The following CLCA4 variants were observed in gnomAD, a reference collection of about 807,000 sequenced individuals.
CLCA4 encodes the protein calcium-activated chloride channel regulator 4.
In CLCA4, 69 loss-of-function variants were observed where a neutral mutation model predicts 78.9. That is an observed-to-expected ratio of 0.87 (90% CI 0.72 to 1.07). The LOEUF (loss-of-function observed/expected upper bound fraction) is 1.07. Among genes scored for constraint, CLCA4 ranks in the 50% least tolerant of loss-of-function variants. CLCA4 has a pLI of 0.00. For synonymous variants in CLCA4, 362 were observed against 375.8 expected (o/e 0.96, Z 0.42); for missense variants, 1,133 against 1,095.8 (o/e 1.03, Z -0.48).
At chr1:86,565,198 T>A in intron 4 of CLCA4, 76 bp from the exon 5 acceptor site, 8 of 1,004,148 alleles carry the variant, frequency 8.0e-6, no homozygotes, top group African/African-American at 1.6e-5. Context: ...AAGTTCATCA[T>A]GAATAGAACC....
At chr1:86,574,284 G>A (rs139814978) in intron 9 of CLCA4, among the ~76,000 whole-genome samples, 153 of 151,930 alleles carry the variant, frequency 1.0e-3, no homozygotes, top group South Asian at 2.5e-3. Context: ...CAAGACAACC[G>A]GGAAAAAAAC....
intron 11 of CLCA4, among the ~76,000 whole-genome samples, chr1:86,577,227 G>T (rs1295254198): frequency 6.6e-6 from 1 of 152,042 alleles, no homozygotes; most frequent in African/African-American, 2.4e-5. Context: ...GGTAATTGGG[G>T]AAATTTGCTA....
chr1:86,547,313 T>C, intron 1 of CLCA4, 35 bp downstream of exon 1: 2 of 1,498,918 alleles, frequency 1.3e-6, no homozygotes, highest in African/African-American at 1.4e-5. Context: ...CATTAATTTT[T>C]AGTTTTTTAC....
rs755996805 is a variant in CLCA4 at position 86,565,264 on chromosome 1, A to G, written c.558-10A>G. ...AGTTGCCTCAAAGATTAACTGTCAT[A>G]TATTTTCAGGTGTTCCGCAGGTATC... On this transcript the variant is annotated splice_polypyrimidine_tract_variant and intron_variant, in intron 4 of 13. Coordinates refer to ENST00000370563, the MANE Select transcript of CLCA4 (RefSeq NM_012128.4). 14 of 1,572,394 alleles carry G rather than the reference A, an allele frequency of 8.9e-6. No homozygotes were observed. The highest frequency in any genetic ancestry group is 2.2e-5 in the East Asian group (1 of 44,468).
chr1:86,552,836 C>G, intron 1 of CLCA4: 1 of 848,432 alleles, frequency 1.2e-6, no homozygotes, highest in Non-Finnish European at 2.0e-6. Context: ...ATTTTAGTCT[C>G]CAGCGTTTCA....
At chr1:86,573,528 G>T (rs1650416182) in intron 9 of CLCA4, among the ~76,000 whole-genome samples, 1 of 151,904 alleles carries the variant, frequency 6.6e-6, no homozygotes, top group African/African-American at 2.4e-5. Context: ...ATTAAAACTT[G>T]CCATGATCCC....
intron 9 of CLCA4, among the ~76,000 whole-genome samples, chr1:86,573,904 T>C (rs74100411): frequency 0.066 from 10,043 of 152,154 alleles, 373 homozygotes; most frequent in Middle Eastern, 0.11. Context: ...TATTGTATAT[T>C]TGAAAATCAC....
chr1:86,574,149 T>A (rs2101815663), intron 9 of CLCA4, among the ~76,000 whole-genome samples: 1 of 152,210 alleles, frequency 6.6e-6, no homozygotes, highest in East Asian at 1.9e-4. Flanking sequence ...CTTCTCAGGA[T>A]CCCAACCTTT....
At chr1:86,553,260 G>C (rs1280311749) in intron 1 of CLCA4, 4 of 886,630 alleles carry the variant, frequency 4.5e-6, no homozygotes, top group Non-Finnish European at 7.3e-6. Flanking sequence ...GCTGTACGAG[G>C]ACACGGTCTT....
intron 9 of CLCA4, 63 bp downstream of exon 9, chr1:86,572,783 G>C (rs778490400): frequency 1.0e-6 from 1 of 956,766 alleles, no homozygotes; most frequent in Non-Finnish European, 1.7e-6. Context: ...ACCATTTGGT[G>C]GTTATAAGTT....
chr1:86,552,155 T>C (rs770756742), intron 1 of CLCA4, among the ~76,000 whole-genome samples: 2 of 152,134 alleles, frequency 1.3e-5, no homozygotes, highest in African/African-American at 2.4e-5. Flanking sequence ...AGAAAAAATA[T>C]ACTTTTAAGA....
chr1:86,571,385 T>C, intron 8 of CLCA4, 131 bp downstream of exon 8: 1 of 775,264 alleles, frequency 1.3e-6, no homozygotes, highest in Non-Finnish European at 2.0e-6. Flanking sequence ...ATCTCTGTTC[T>C]CGTGGCACTT....
intron 8 of CLCA4, among the ~76,000 whole-genome samples, chr1:86,571,621 G>C (rs1009097027): frequency 1.3e-5 from 2 of 151,974 alleles, no homozygotes; most frequent in Non-Finnish European, 2.9e-5. Context: ...GAAGAAAAAG[G>C]GGGTAAGAAA....
intron 3 of CLCA4, 125 bp from the exon 4 acceptor site, chr1:86,563,536 A>T: frequency 2.0e-6 from 1 of 508,954 alleles, no homozygotes; most frequent in Non-Finnish European, 3.5e-6. Context: ...CTGAAATATA[A>T]ATGTTGATAG....
intron 11 of CLCA4, among the ~76,000 whole-genome samples, chr1:86,576,589 C>A (rs1190370172): frequency 6.6e-6 from 1 of 152,022 alleles, no homozygotes; most frequent in African/African-American, 2.4e-5. Context: ...ATCAAGAAAG[C>A]CTGGCTAGAG....
intron 13 of CLCA4, 58 bp from the exon 14 acceptor site, chr1:86,579,884 A>T (rs1172659128): frequency 8.9e-7 from 1 of 1,129,426 alleles, no homozygotes; most frequent in Non-Finnish European, 1.3e-6. Context: ...GAATAAATAA[A>T]AAGGAATGAA....
chr1:86,557,952 CTT>C (rs752520649), intron 1 of CLCA4, among the ~76,000 whole-genome samples: 1 of 145,258 alleles, frequency 6.9e-6, no homozygotes, highest in Admixed American at 6.9e-5. Flanking sequence ...CCTTCTTTGT[CTT>C]TTTTTTTTTA....
Position 86,567,645 on chromosome 1 carries a change from A to G in CLCA4, c.1176A>G (p.Ala392=), listed in dbSNP as rs758304322. The G allele has an allele frequency of 1.9e-6, 3 of 1,607,928 alleles. No individual in the cohort carries two copies. Among genetic ancestry groups the G allele is most frequent in the Non-Finnish European group, 2.5e-6 (3 of 1,176,824 alleles). The change falls in exon 7 of 14, where the codon GCA becomes GCG. Residue 392 remains alanine, a synonymous_variant. Transcript: ENST00000370563. ...GTSICSGIKY[A]FQVIGELHSQ... is the part of the protein sequence containing the mutation. ...CCATCTGCTCTGGAATTAAATATGC[A>G]TTTCAGGTGAAAATCGTACTGCAAA...
chr1:86,548,606 C>T (rs910923429), intron 1 of CLCA4, among the ~76,000 whole-genome samples: 9 of 150,060 alleles, frequency 6.0e-5, no homozygotes, highest in Admixed American at 2.7e-4. Flanking sequence ...TGCTTGAACC[C>T]GGGAGGCAGA....
Sources: allele counts gnomAD v4.1 joint callset (sites outside exome capture counted in the v4.1 genomes callset), GRCh38; gene constraint gnomAD v4.1.1; transcripts MANE v1.5; gene names NCBI Gene and HGNC (gene_info 2026-07-23, HGNC 2026-07-21).